NSD2: variants seen among roughly 807,000 people sequenced by gnomAD.
NSD2 encodes the protein nuclear receptor binding SET domain protein 2, also known as histone-lysine N-methyltransferase NSD2.
A neutral mutation model predicts 139.0 loss-of-function variants in NSD2; 12 were observed. The ratio of observed to expected loss-of-function variants is 0.09; its 90% CI spans 0.06 to 0.14. The LOEUF (loss-of-function observed/expected upper bound fraction) is 0.14, where lower values mean the gene tolerates loss of function less well. Ranked by LOEUF, NSD2 falls within the 10% of genes least tolerant of loss-of-function variation. The pLI is 1.00. For synonymous variants in NSD2, 669 were observed against 648.7 expected (o/e 1.03, Z -0.48); for missense variants, 1,155 against 1,745.0 (o/e 0.66, Z 6.02).
In NSD2 at chr4:1,980,256, G is replaced by C. The variant is rs1362273611; in HGVS notation, c.*1347G>C. 9 of 233,022 alleles carry C rather than the reference G, an allele frequency of 3.9e-5. No individual in the cohort carries two copies. Among genetic ancestry groups the C allele is most frequent in the Admixed American group, 5.6e-5 (1 of 17,764 alleles). 14.4% of individuals were successfully genotyped at this position (233,022 alleles called of 1,614,324 possible). A position where few individuals can be genotyped will look rare whatever the true frequency, so the allele number is the denominator to read the frequency against. On this transcript the variant is annotated 3_prime_UTR_variant, in exon 22 of 22. Coordinates refer to ENST00000508803, the MANE Select transcript of NSD2 (RefSeq NM_001042424.3). Reference sequence around the variant, plus strand: ...ACCTATCTATCTGAGTACTACATATGTTTTAAGACTTGGTTCTTTTTTTGA... The same window carrying C: ...ACCTATCTATCTGAGTACTACATATCTTTTAAGACTTGGTTCTTTTTTTGA...
At chr4:1,903,792 T>C (rs973780002) in intron 2 of NSD2, among the ~76,000 whole-genome samples, 1 of 150,184 alleles carries the variant, frequency 6.7e-6, no homozygotes, top group African/African-American at 2.5e-5. Flanking sequence ...TGGAGTGCAG[T>C]GGCGTGATCT....
chr4:1,940,517 C>G lies in NSD2; in HGVS notation c.1881+739C>G, dbSNP rs78963716. ...AACGTAGGTGTGACACTTTTTTGTTCGGAGGTAGTTTTGGTTTCCTGATTT... is the reference window on the plus strand; with the variant it reads ...AACGTAGGTGTGACACTTTTTTGTTGGGAGGTAGTTTTGGTTTCCTGATTT... On this transcript the variant is annotated intron_variant, in intron 9 of 21. Coordinates refer to ENST00000508803, the MANE Select transcript of NSD2 (RefSeq NM_001042424.3). 1,134 of 1,064,380 alleles carry G rather than the reference C, an allele frequency of 1.1e-3. 5 individuals carry two copies. The African/African-American group carries it at 0.016, about 15-fold the overall frequency. The allele number at this position is 1,064,380 out of a possible 1,614,324, so 65.9% of individuals were successfully genotyped here. A position where few individuals can be genotyped will look rare whatever the true frequency, so the allele number is the denominator to read the frequency against.
Position 1,948,703 on chromosome 4 carries a change from T to G in NSD2, c.1882-2369T>G. On this transcript the variant is annotated intron_variant, in intron 9 of 21. Transcript: ENST00000508803. This position sits in a 1 kb window ranked among gnomAD's most constrained non-coding sequence, Gnocchi z 4.5. The stretch of plus-strand genomic sequence containing the variant: ...CATTTATATATTTCCATTCAAAATA[T>G]GTATTCAGTGTTTATTTCCTCAAAA... 2.8e-6 allele frequency: 3 copies of G among 1,053,624 alleles called. No homozygotes were observed. Among genetic ancestry groups the G allele is most frequent in the Non-Finnish European group, 3.4e-6 (3 of 870,892 alleles). 65.3% of individuals were successfully genotyped at this position (1,053,624 alleles called of 1,614,324 possible). A position where few individuals can be genotyped will look rare whatever the true frequency, so the allele number is the denominator to read the frequency against.
At chr4:1,943,907 C>T (rs1560722362) in intron 9 of NSD2, 18 of 1,063,852 alleles carry the variant, frequency 1.7e-5, no homozygotes, top group Non-Finnish European at 2.0e-5. Context: ...CCAGCTAGCC[C>T]ATAACTGATA....
rs2108931766 is a variant in NSD2, at chr4:1,948,957, A to G, written c.1882-2115A>G. 3.1e-6 allele frequency: 1 copy of G among 319,802 alleles called. No individual in the cohort carries two copies. Among genetic ancestry groups the G allele is most frequent in the Non-Finnish European group, 4.7e-6 (1 of 214,764 alleles). 19.8% of individuals were successfully genotyped at this position (319,802 alleles called of 1,614,324 possible). ...GCGCTGGGGCTCTCTCCCCTGAGCC[A>G]TGCAGAAGGCCCCTTTCTCTGGGCC... On this transcript the variant is annotated intron_variant, in intron 9 of 21. Coordinates refer to ENST00000508803, the MANE Select transcript of NSD2 (RefSeq NM_001042424.3). The surrounding 1 kb of genome is among the most constrained non-coding windows in gnomAD (Gnocchi z 4.5).
intron 1 of NSD2, among the ~76,000 whole-genome samples, chr4:1,900,275 T>C (rs150294632): frequency 6.6e-6 from 1 of 152,330 alleles, no homozygotes; most frequent in East Asian, 1.9e-4. Context: ...TAAGTATATG[T>C]TGGTGGACAG....
chr4:1,939,826 T>C (rs1577498314), intron 9 of NSD2, 48 bp downstream of exon 9: 1 of 1,613,286 alleles, frequency 6.2e-7, no homozygotes, highest in East Asian at 2.2e-5. Flanking sequence ...ATGAAGGCCA[T>C]TTAGCTGCCC....
rs765556921 is a variant in NSD2, at chr4:1,974,593, T to C, written c.3373-270T>C. ...ACCTTAGCTCCCTTGTTTGCCATCA[T>C]GGAGGATGCTGGGAGCTCCAGCTCC... On this transcript the variant is annotated intron_variant, in intron 18 of 21. Coordinates refer to ENST00000508803, the MANE Select transcript of NSD2 (RefSeq NM_001042424.3). The surrounding 1 kb of genome is among the most constrained non-coding windows in gnomAD (Gnocchi z 4.0). 18 of 579,972 alleles carry C rather than the reference T, an allele frequency of 3.1e-5. No homozygotes were observed. In the Admixed American group the frequency reaches 3.2e-4, roughly 10 times the overall value. The allele number at this position is 579,972 out of a possible 1,614,324, so 35.9% of individuals were successfully genotyped here.
At chr4:1,925,776 TTTTTTG>T (rs1560666129) in intron 5 of NSD2, among the ~76,000 whole-genome samples, 7 of 147,998 alleles carry the variant, frequency 4.7e-5, no homozygotes, top group Non-Finnish European at 8.9e-5. Flanking sequence ...ATATATATTT[TTTTTTG>T]TTTGTTTGTT....
intron 1 of NSD2, among the ~76,000 whole-genome samples, chr4:1,891,130 G>A (rs1304046859): frequency 6.6e-6 from 1 of 152,170 alleles, no homozygotes; most frequent in Non-Finnish European, 1.5e-5. Flanking sequence ...TTGGGCTCAA[G>A]CAATCCTTCT....
At chr4:1,920,167 T>G (rs887571983) in intron 5 of NSD2, among the ~76,000 whole-genome samples, 1 of 151,954 alleles carries the variant, frequency 6.6e-6, no homozygotes, top group African/African-American at 2.4e-5. Flanking sequence ...CCTTCAAGAG[T>G]GGCTGGGCGT....
At chr4:1,938,153 G>C (rs886323265) in intron 7 of NSD2, among the ~76,000 whole-genome samples, 3 of 152,136 alleles carry the variant, frequency 2.0e-5, no homozygotes, top group African/African-American at 7.2e-5. Context: ...GGGTCTTGGC[G>C]TGGCCCCACC....
chr4:1,921,610 C>A (rs563055316), intron 5 of NSD2, among the ~76,000 whole-genome samples: 1 of 151,776 alleles, frequency 6.6e-6, no homozygotes, highest in African/African-American at 2.4e-5. Flanking sequence ...GGTGAAACCC[C>A]GTCTCTACTA....
intron 1 of NSD2, among the ~76,000 whole-genome samples, chr4:1,879,048 G>A (rs1714509969): frequency 6.6e-6 from 1 of 152,056 alleles, no homozygotes; most frequent in African/African-American, 2.4e-5. Flanking sequence ...CCAGAAGGAA[G>A]CTCTGATCTC....
At position 1,981,910 on chromosome 4, in the gene NSD2, T is replaced by C. The variant is rs1269983246; in HGVS notation, c.*3001T>C. On this transcript the variant is annotated 3_prime_UTR_variant, in exon 22 of 22. Transcript: ENST00000508803. ...GGTGTCACAGCCTCACCATACCCTG[T>C]TGAGGTGTGAAATGCCCCGTCAGAA... The C allele has an allele frequency of 2.3e-5, 9 of 398,542 alleles. No homozygotes were observed. Among genetic ancestry groups the C allele is most frequent in the African/African-American group, 1.0e-4 (5 of 48,630 alleles). 24.7% of individuals were successfully genotyped at this position (398,542 alleles called of 1,614,324 possible).
chr4:1,951,268 C>A, intron 10 of NSD2, 65 bp downstream of exon 10: 1 of 1,602,642 alleles, frequency 6.2e-7, no homozygotes, highest in Non-Finnish European at 8.5e-7. Context: ...GTACGCAGAG[C>A]GAATTTGTAG....
intron 1 of NSD2, among the ~76,000 whole-genome samples, chr4:1,875,982 G>A (rs748070928): frequency 7.2e-5 from 11 of 151,942 alleles, no homozygotes; most frequent in South Asian, 4.2e-4. Context: ...TTGGGAGGCC[G>A]AGGCGGGTGG....
At chr4:1,914,437 C>T (rs1719090938) in intron 3 of NSD2, among the ~76,000 whole-genome samples, 1 of 151,310 alleles carries the variant, frequency 6.6e-6, no homozygotes, top group African/African-American at 2.4e-5. Context: ...GTGATTCTCC[C>T]GCCTCAGCCT....
chr4:1,978,410 C>T (rs1577593745), intron 21 of NSD2, among the ~76,000 whole-genome samples: 3 of 152,184 alleles, frequency 2.0e-5, no homozygotes, highest in South Asian at 2.1e-4. Flanking sequence ...CATAAAGAGA[C>T]GCTAACAGGT....
Sources: gnomAD v4.1 joint callset for allele counts (sites outside exome capture counted in the v4.1 genomes callset) on GRCh38, gnomAD v4.1.1 for gene constraint, Gnocchi (gnomAD v3.1) non-coding constraint, MANE v1.5 for transcripts, NCBI Gene and HGNC (gene_info 2026-07-23, HGNC 2026-07-21) for gene names.